MAMDC2: variants seen among roughly 807,000 people sequenced by gnomAD.
The protein encoded by MAMDC2 is MAM domain-containing protein 2.
Under a neutral mutation model 89.8 loss-of-function variants are expected in MAMDC2, and 57 were observed. The ratio of observed to expected loss-of-function variants is 0.63; its 90% CI spans 0.51 to 0.79. MAMDC2 has a LOEUF of 0.79. MAMDC2 is among the 30% of genes least tolerant of loss of function. The probability of loss-of-function intolerance (pLI) is 0.00; values close to 1 mark genes in which losing one functional copy is unlikely to be tolerated. For synonymous variants in MAMDC2, 313 were observed against 293.4 expected, an observed-to-expected ratio of 1.07 and a Z score of -0.68; for missense variants, 800 against 820.6, an observed-to-expected ratio of 0.97 and a Z score of 0.31.
chr9:70,127,661 C>G (rs528936724), intron 6 of MAMDC2, among the ~76,000 whole-genome samples: 8 of 151,444 alleles, frequency 5.3e-5, no homozygotes, highest in African/African-American at 1.7e-4. Flanking sequence ...CCCCACACCC[C>G]CTTCCTATTT....
intron 9 of MAMDC2, among the ~76,000 whole-genome samples, chr9:70,159,890 A>G (rs1316423037): frequency 6.6e-6 from 1 of 152,152 alleles, no homozygotes; most frequent in Non-Finnish European, 1.5e-5. Context: ...TTTACACAAA[A>G]TCACAGGCAG....
intron 2 of MAMDC2, among the ~76,000 whole-genome samples, chr9:70,072,262 C>T (rs759201909): frequency 2.0e-5 from 3 of 152,054 alleles, no homozygotes; most frequent in South Asian, 2.1e-4. Context: ...CAGCATAACC[C>T]GGGAGGTGCT....
intron 2 of MAMDC2, among the ~76,000 whole-genome samples, chr9:70,064,885 A>G (rs1827230556): frequency 6.6e-6 from 1 of 152,218 alleles, no homozygotes. Context: ...CTGGGTTAGT[A>G]GTTTGTCTAT....
rs1298818034 is a variant in MAMDC2 at position 70,168,755 on chromosome 9, G to C, written c.1458G>C (p.Leu486=). The C allele has an allele frequency of 1.2e-6, 2 of 1,613,914 alleles. No individual in the cohort carries two copies. Among genetic ancestry groups the C allele is most frequent in the Non-Finnish European group, 1.7e-6 (2 of 1,179,958 alleles). The change falls in exon 10 of 14, where the codon CTG becomes CTC. Residue 486 remains leucine (L), a synonymous_variant. Coordinates refer to ENST00000377182, the MANE Select transcript of MAMDC2 (RefSeq NM_153267.5). Reference sequence around the variant, plus strand: ...TCTGGGACTGTGGGCTTGTAGCCCTGGATGACATTACAATACAATTGGGAA... The same window carrying C: ...TCTGGGACTGTGGGCTTGTAGCCCTCGATGACATTACAATACAATTGGGAA... The part of the protein sequence containing the change: ...KSFWDCGLVA[L]DDITIQLGSC...
intron 9 of MAMDC2, among the ~76,000 whole-genome samples, chr9:70,145,421 T>C (rs894204001): frequency 2.6e-5 from 4 of 152,214 alleles, no homozygotes; most frequent in Admixed American, 2.0e-4. Context: ...TGCAGCAGCA[T>C]TATTGAACTT....
intron 2 of MAMDC2, among the ~76,000 whole-genome samples, chr9:70,057,442 C>T (rs992446361): frequency 1.1e-4 from 16 of 152,164 alleles, no homozygotes; most frequent in African/African-American, 3.6e-4. Context: ...ATTCCTCAAG[C>T]TTCTTGTCTC....
chr9:70,109,189 ATGCTT>A (rs1363699058), intron 3 of MAMDC2: 1 of 152,724 alleles, frequency 6.5e-6, no homozygotes, highest in East Asian at 1.9e-4. Flanking sequence ...AAGGCTTGAA[ATGCTT>A]TACTCTCCAA....
intron 5 of MAMDC2, among the ~76,000 whole-genome samples, chr9:70,116,037 A>G (rs1439447089): frequency 6.6e-6 from 1 of 152,230 alleles, no homozygotes; most frequent in East Asian, 1.9e-4. Context: ...ATGCATCAAA[A>G]TGACGATTAT....
chr9:70,044,589 C>CCCTCG lies in MAMDC2; in HGVS notation c.40_41insCCTCG (p.Gln14ProfsTer35). The CCCTCG allele has an allele frequency of 6.5e-7, 1 of 1,549,816 alleles. No homozygotes were observed. Among genetic ancestry groups the CCCTCG allele is most frequent in the East Asian group, 2.4e-5 (1 of 40,908 alleles). On this transcript the variant is annotated frameshift_variant, in exon 2 of 14. Coordinates refer to ENST00000377182, the MANE Select transcript of MAMDC2 (RefSeq NM_153267.5). LOFTEE classifies it high-confidence loss of function. ...AACTCGCTTTGTGCCCGCAGCCCTG[C>CCCTCG]AGCTCGCCGGTGCCCTCGACCTGCC... is the stretch of plus-strand genomic sequence containing the variant.
chr9:70,189,043 G>C (rs766051712), intron 11 of MAMDC2, among the ~76,000 whole-genome samples: 2 of 152,010 alleles, frequency 1.3e-5, no homozygotes, highest in Non-Finnish European at 2.9e-5. Context: ...CATTGACACA[G>C]TTTTATAATT....
At chr9:70,162,135 G>A (rs1181860596) in intron 9 of MAMDC2, among the ~76,000 whole-genome samples, 1 of 152,136 alleles carries the variant, frequency 6.6e-6, no homozygotes, top group Non-Finnish European at 1.5e-5. Flanking sequence ...TAAAGTAGAT[G>A]GTGGATTAAC....
At chr9:70,132,125 T>C (rs2030832914) in intron 7 of MAMDC2, among the ~76,000 whole-genome samples, 1 of 152,244 alleles carries the variant, frequency 6.6e-6, no homozygotes, top group Admixed American at 6.5e-5. Flanking sequence ...ATTAAATTAC[T>C]TTCCACTTCC....
At chr9:70,116,076 A>T (rs1353220057) in intron 5 of MAMDC2, among the ~76,000 whole-genome samples, 1 of 152,270 alleles carries the variant, frequency 6.6e-6, no homozygotes, top group Non-Finnish European at 1.5e-5. Flanking sequence ...AGTTGCACAG[A>T]GAGGCAAATT....
At chr9:70,110,962 A>G (rs1828495359) in intron 4 of MAMDC2, among the ~76,000 whole-genome samples, 2 of 152,260 alleles carry the variant, frequency 1.3e-5, no homozygotes, top group Admixed American at 1.3e-4. Context: ...AACGACAACA[A>G]CAACAAAAAA....
intron 2 of MAMDC2, among the ~76,000 whole-genome samples, chr9:70,064,058 A>G (rs1195133212): frequency 6.6e-6 from 1 of 152,126 alleles, no homozygotes; most frequent in African/African-American, 2.4e-5. Flanking sequence ...ATGAAGAATA[A>G]ATCAAATGTG....
chr9:70,113,583 C>G (rs1022541097), intron 5 of MAMDC2, among the ~76,000 whole-genome samples: 1 of 152,190 alleles, frequency 6.6e-6, no homozygotes, highest in Middle Eastern at 3.2e-3. Flanking sequence ...ATGATTAGCT[C>G]TGAATGTGGT....
Position 70,044,145 on chromosome 9 carries a change from C to T in MAMDC2, c.-53C>T. On this transcript the variant is annotated 5_prime_UTR_variant, in exon 1 of 14. Transcript: ENST00000377182. ...CCCTTTCACTAGGAGCAGCCAGTCC[C>T]AGCGGGCTGGCAACTTGCACCCCTT... is the stretch of plus-strand genomic sequence containing the variant. 4 of 1,605,398 alleles carry T rather than the reference C, an allele frequency of 2.5e-6. No homozygotes were observed. Among genetic ancestry groups the T allele is most frequent in the Non-Finnish European group, 2.6e-6 (3 of 1,173,006 alleles).
chr9:70,089,712 C>G (rs1827846548), intron 2 of MAMDC2, among the ~76,000 whole-genome samples: 1 of 152,114 alleles, frequency 6.6e-6, no homozygotes, highest in African/African-American at 2.4e-5. Flanking sequence ...TTCAGGCTAG[C>G]TTTAGGTCCA....
At chr9:70,110,363 A>G (rs1038840845) in intron 4 of MAMDC2, among the ~76,000 whole-genome samples, 5 of 152,188 alleles carry the variant, frequency 3.3e-5, no homozygotes, top group African/African-American at 1.2e-4. Context: ...GCATATGGCA[A>G]ATACTGCTGA....
Sources: gnomAD v4.1 joint callset for allele counts (sites outside exome capture counted in the v4.1 genomes callset) on GRCh38, gnomAD v4.1.1 for gene constraint, MANE v1.5 for transcripts, NCBI Gene and HGNC (gene_info 2026-07-23, HGNC 2026-07-21) for gene names.